Variants in ARHGAP15 observed in about 807,000 individuals in gnomAD.
The protein encoded by ARHGAP15 is rho GTPase-activating protein 15.
ARHGAP15 carries 51 observed loss-of-function variants against 63.7 expected under a neutral mutation model. That is an observed-to-expected ratio of 0.80 (90% CI 0.64 to 1.01). ARHGAP15 has a LOEUF of 1.01. Ranked by LOEUF, ARHGAP15 falls within the 50% of genes least tolerant of loss-of-function variation. The pLI is 0.00. For missense variants in ARHGAP15, 560 were observed against 564.6 expected (o/e 0.99, Z 0.08); for synonymous variants, 191 against 193.8 (o/e 0.99, Z 0.12).
intron 9 of ARHGAP15, among the ~76,000 whole-genome samples, chr2:143,494,742 A>C (rs936504940): frequency 9.2e-5 from 14 of 152,182 alleles, no homozygotes; most frequent in Non-Finnish European, 1.9e-4. Flanking sequence ...CTCTGAAAAC[A>C]TGGGTAGACC....
chr2:143,555,311 T>C (rs1019513790), intron 10 of ARHGAP15, among the ~76,000 whole-genome samples: 7 of 152,138 alleles, frequency 4.6e-5, no homozygotes, highest in African/African-American at 1.4e-4. Context: ...ATGGCAATAA[T>C]TTCTACCAAT....
chr2:143,450,388 A>C (rs1476880436), intron 8 of ARHGAP15, among the ~76,000 whole-genome samples: 1 of 151,818 alleles, frequency 6.6e-6, no homozygotes, highest in Non-Finnish European at 1.5e-5. Flanking sequence ...TAATCTTTAC[A>C]ATTACATAAA....
intron 12 of ARHGAP15, among the ~76,000 whole-genome samples, chr2:143,698,592 T>C (rs1683952116): frequency 6.6e-6 from 1 of 152,150 alleles, no homozygotes; most frequent in Non-Finnish European, 1.5e-5. Flanking sequence ...TAAGAAACAG[T>C]TGAGAATCAC....
intron 11 of ARHGAP15, among the ~76,000 whole-genome samples, chr2:143,580,327 G>A (rs1027692307): frequency 1.6e-4 from 25 of 152,096 alleles, no homozygotes; most frequent in African/African-American, 5.8e-4. Context: ...ACCAAAGCCA[G>A]ATAAATTTCT....
chr2:143,741,663 A>G (rs1007973959), intron 13 of ARHGAP15, among the ~76,000 whole-genome samples: 1 of 152,234 alleles, frequency 6.6e-6, no homozygotes, highest in Non-Finnish European at 1.5e-5. Flanking sequence ...TATCTGCTTT[A>G]CCGAATACAT....
At chr2:143,329,339 C>T (rs762004995) in intron 6 of ARHGAP15, among the ~76,000 whole-genome samples, 2 of 152,170 alleles carry the variant, frequency 1.3e-5, no homozygotes, top group African/African-American at 2.4e-5. Context: ...TCTTTGAAAG[C>T]GAGTCTAGAT....
chr2:143,484,750 A>G (rs915632477), intron 8 of ARHGAP15, among the ~76,000 whole-genome samples: 2 of 152,212 alleles, frequency 1.3e-5, no homozygotes, highest in African/African-American at 4.8e-5. Context: ...CAATTTAAAT[A>G]ATAAGATATT....
chr2:143,359,167 A>G (rs1174667019), intron 6 of ARHGAP15, among the ~76,000 whole-genome samples: 3 of 152,132 alleles, frequency 2.0e-5, no homozygotes, highest in South Asian at 2.1e-4. Flanking sequence ...AAAATTCCTT[A>G]GTTTTCTCCA....
intron 8 of ARHGAP15, among the ~76,000 whole-genome samples, chr2:143,474,287 G>C (rs907953226): frequency 1.3e-5 from 2 of 152,070 alleles, no homozygotes; most frequent in Admixed American, 1.3e-4. Context: ...CATGTCAAAA[G>C]GAAGGCTACT....
At chr2:143,608,436 T>C (rs1698123546) in intron 11 of ARHGAP15, 1 of 152,232 alleles carries the variant, frequency 6.6e-6, no homozygotes. Flanking sequence ...AAAAAAACAT[T>C]CTCAAAAGGG....
At chr2:143,592,872 C>T (rs1364608821) in intron 11 of ARHGAP15, among the ~76,000 whole-genome samples, 1 of 152,142 alleles carries the variant, frequency 6.6e-6, no homozygotes, top group East Asian at 1.9e-4. Context: ...GGGGAAAGAA[C>T]CATTCGAAGG....
At chr2:143,222,690 TTTGTTG>T (rs752789002) in intron 4 of ARHGAP15, among the ~76,000 whole-genome samples, 10 of 151,992 alleles carry the variant, frequency 6.6e-5, no homozygotes, top group African/African-American at 1.9e-4. Context: ...TTGGGGGTGT[TTTGTTG>T]TTGTTGTTGT....
intron 10 of ARHGAP15, among the ~76,000 whole-genome samples, chr2:143,524,265 T>C (rs1166904407): frequency 2.0e-5 from 3 of 152,228 alleles, no homozygotes; most frequent in Non-Finnish European, 4.4e-5. Context: ...TTCCGATGTC[T>C]GTTTAAAGAA....
intron 12 of ARHGAP15, among the ~76,000 whole-genome samples, chr2:143,674,871 A>C (rs1383198691): frequency 6.6e-6 from 1 of 152,080 alleles, no homozygotes; most frequent in Non-Finnish European, 1.5e-5. Context: ...TCGCTGACTG[A>C]TCAGGGTGGG....
chr2:143,327,562 G>T (rs184581435), intron 6 of ARHGAP15, among the ~76,000 whole-genome samples: 2 of 151,462 alleles, frequency 1.3e-5, no homozygotes, highest in East Asian at 3.9e-4. Flanking sequence ...TAGACCAATG[G>T]AACATAACAG....
At chr2:143,315,909 AC>A (rs1558886574) in intron 6 of ARHGAP15, among the ~76,000 whole-genome samples, 1 of 152,008 alleles carries the variant, frequency 6.6e-6, no homozygotes, top group African/African-American at 2.4e-5. Context: ...ACACGGTGAA[AC>A]TGCGTCTGTA....
intron 13 of ARHGAP15, among the ~76,000 whole-genome samples, chr2:143,704,520 A>T (rs1395222836): frequency 6.6e-6 from 1 of 152,164 alleles, no homozygotes; most frequent in Non-Finnish European, 1.5e-5. Flanking sequence ...TATCGCAGAG[A>T]TGGGTAAAAC....
intron 6 of ARHGAP15, among the ~76,000 whole-genome samples, chr2:143,317,297 A>T (rs1390477561): frequency 2.6e-5 from 4 of 152,224 alleles, no homozygotes; most frequent in African/African-American, 9.6e-5. Context: ...TATTCAGTGC[A>T]TGTGTGGTTA....
intron 12 of ARHGAP15, among the ~76,000 whole-genome samples, chr2:143,638,142 C>T (rs1337875345): frequency 0.013 from 1,851 of 146,538 alleles, 40 homozygotes; most frequent in African/African-American, 0.044. Flanking sequence ...CCAGCCATCC[C>T]ATTACTGGGT....
Sources: gnomAD v4.1 joint callset for allele counts (sites outside exome capture counted in the v4.1 genomes callset) on GRCh38, gnomAD v4.1.1 for gene constraint, MANE v1.5 for transcripts, NCBI Gene and HGNC (gene_info 2026-07-23, HGNC 2026-07-21) for gene names.